The following SLC4A4 variants were observed in gnomAD, a reference collection of about 807,000 sequenced individuals.
The protein encoded by SLC4A4 is solute carrier family 4 member 4, also known as electrogenic sodium bicarbonate cotransporter 1.
In SLC4A4, 27 loss-of-function variants were observed where a neutral mutation model predicts 111.5. The observed-to-expected ratio is 0.24, with a 90% CI of 0.18 to 0.33. The LOEUF (loss-of-function observed/expected upper bound fraction) is 0.33, where lower values mean the gene tolerates loss of function less well. Ranked by LOEUF, SLC4A4 falls within the 10% of genes least tolerant of loss-of-function variation. The probability of loss-of-function intolerance (pLI) is 1.00; values close to 1 mark genes in which losing one functional copy is unlikely to be tolerated. For missense variants in SLC4A4, 909 were observed against 1,315.5 expected, an observed-to-expected ratio of 0.69 and a Z score of 4.78; for synonymous variants, 443 against 463.4, an observed-to-expected ratio of 0.96 and a Z score of 0.57.
chr4:71,539,976 G>T (rs1734897113), intron 18 of SLC4A4, among the ~76,000 whole-genome samples: 1 of 152,158 alleles, frequency 6.6e-6, no homozygotes, highest in Admixed American at 6.6e-5. Flanking sequence ...GCCCTGTTTA[G>T]ATGTCATCAC....
intron 1 of SLC4A4, among the ~76,000 whole-genome samples, chr4:71,225,307 G>A (rs890013402): frequency 2.6e-5 from 4 of 151,550 alleles, no homozygotes; most frequent in East Asian, 1.9e-4. Context: ...AGCTGAGATC[G>A]TACCACTGCA....
chr4:71,103,795 A>C (rs1742832640), intron 2 of SLC4A4, among the ~76,000 whole-genome samples: 1 of 151,858 alleles, frequency 6.6e-6, no homozygotes, highest in South Asian at 2.1e-4. Flanking sequence ...AATTTATAGC[A>C]CTAAATGCCC....
Position 71,418,545 on chromosome 4 carries a change from T to C in SLC4A4, c.807+20892T>C, listed in dbSNP as rs574806587. On this transcript the variant is annotated intron_variant, in intron 7 of 25. Coordinates refer to ENST00000264485, the MANE Select transcript of SLC4A4 (RefSeq NM_001098484.3). ...ATTCTATGGGCTATCAAGCAATAGC[T>C]CTTTTTAGGCCTCTTAGATATTAGG... is the stretch of plus-strand genomic sequence containing the variant. 3.9e-5 allele frequency among the ~76,000 whole-genome samples: 6 copies of C among 152,314 alleles called. No homozygotes were observed. In the South Asian group the frequency reaches 1.2e-3, roughly 32 times the overall value.
At chr4:71,234,982 G>A (rs1719705270) in intron 1 of SLC4A4, among the ~76,000 whole-genome samples, 1 of 152,176 alleles carries the variant, frequency 6.6e-6, no homozygotes, top group South Asian at 2.1e-4. Flanking sequence ...CAGAAAGGAA[G>A]GAAATTTACA....
At chr4:71,546,148 C>A (rs1310405905) in intron 18 of SLC4A4, among the ~76,000 whole-genome samples, 1 of 151,988 alleles carries the variant, frequency 6.6e-6, no homozygotes, top group Non-Finnish European at 1.5e-5. Flanking sequence ...AGGTCTCTAC[C>A]ATAGCAGCTA....
chr4:71,329,126 T>C (rs1727738832), intron 3 of SLC4A4, among the ~76,000 whole-genome samples: 1 of 152,110 alleles, frequency 6.6e-6, no homozygotes, highest in South Asian at 2.1e-4. Flanking sequence ...GAGCTCACTG[T>C]AGATGTATGA....
chr4:71,261,648 CTT>C (rs1167848171), intron 3 of SLC4A4, among the ~76,000 whole-genome samples: 1 of 152,204 alleles, frequency 6.6e-6, no homozygotes, highest in Non-Finnish European at 1.5e-5. Flanking sequence ...GCATAAGTCT[CTT>C]AGAGAGCCTT....
At chr4:71,545,126 A>G (rs1317460340) in intron 18 of SLC4A4, among the ~76,000 whole-genome samples, 2 of 152,056 alleles carry the variant, frequency 1.3e-5, no homozygotes, top group African/African-American at 2.4e-5. Context: ...ACCTATATCT[A>G]TTCATAATCC....
intron 16 of SLC4A4, among the ~76,000 whole-genome samples, chr4:71,509,450 A>G (rs1302284623): frequency 6.6e-6 from 1 of 151,452 alleles, no homozygotes; most frequent in Non-Finnish European, 1.5e-5. Context: ...GTCATTTGGT[A>G]TAGTATATTG....
chr4:71,103,425 T>C (rs1244002457), intron 2 of SLC4A4, among the ~76,000 whole-genome samples: 1 of 152,160 alleles, frequency 6.6e-6, no homozygotes, highest in African/African-American at 2.4e-5. Context: ...GCAGACCTAA[T>C]AGACATCTAC....
chr4:71,215,116 C>T (rs1458037463), intron 1 of SLC4A4, among the ~76,000 whole-genome samples: 1 of 152,156 alleles, frequency 6.6e-6, no homozygotes, highest in Non-Finnish European at 1.5e-5. Context: ...AAGTAATACC[C>T]TATGCTATTA....
chr4:71,540,682 G>C (rs985198502), intron 18 of SLC4A4, among the ~76,000 whole-genome samples: 4 of 152,054 alleles, frequency 2.6e-5, no homozygotes, highest in African/African-American at 9.7e-5. Context: ...ACCAAGGTTG[G>C]AATTGACCAT....
intron 1 of SLC4A4, among the ~76,000 whole-genome samples, chr4:71,225,014 A>C (rs1317261003): frequency 6.6e-6 from 1 of 152,252 alleles, no homozygotes; most frequent in African/African-American, 2.4e-5. Context: ...TATTTAGCTT[A>C]GTACTTGGCA....
At chr4:71,378,368 A>G (rs1717738337) in intron 6 of SLC4A4, among the ~76,000 whole-genome samples, 3 of 152,084 alleles carry the variant, frequency 2.0e-5, no homozygotes, top group African/African-American at 7.2e-5. Context: ...TGTGCAGAAA[A>G]TCTCCTGCAT....
chr4:71,240,682 G>C lies in SLC4A4; in HGVS notation c.73+4033G>C, dbSNP rs138525889. Among the ~76,000 whole-genome samples, 5 of 152,118 alleles carry C rather than the reference G, an allele frequency of 3.3e-5. No individual in the cohort carries two copies. The East Asian group carries it at 9.6e-4, about 29-fold the overall frequency. ...AGGAAAAGTAAAAAAAGTATGTCAG[G>C]GTCTGGGACAGGGTAGATATTCACT... is the stretch of plus-strand genomic sequence containing the variant. On this transcript the variant is annotated intron_variant, in intron 2 of 25. Coordinates refer to ENST00000264485, the MANE Select transcript of SLC4A4 (RefSeq NM_001098484.3).
chr4:71,498,695 T>C (rs1730629177), intron 16 of SLC4A4, among the ~76,000 whole-genome samples: 1 of 152,162 alleles, frequency 6.6e-6, no homozygotes, highest in Non-Finnish European at 1.5e-5. Context: ...TAGAAGTAGA[T>C]AGCCCAAGGA....
chr4:71,113,914 G>A (rs1469105247), intron 2 of SLC4A4, among the ~76,000 whole-genome samples: 2 of 152,128 alleles, frequency 1.3e-5, no homozygotes, highest in Non-Finnish European at 2.9e-5. Flanking sequence ...GTAATTAGTA[G>A]TTATACCTTA....
Position 71,428,591 on chromosome 4 carries a change from C to T in SLC4A4, c.808-12025C>T, listed in dbSNP as rs1441449211. Among the ~76,000 whole-genome samples, 3 of 151,656 alleles carry T rather than the reference C, an allele frequency of 2.0e-5. No homozygotes were observed. The East Asian group carries it at 5.8e-4, about 29-fold the overall frequency. ...CATGAGTTTGTTTGAAAAATAAGAG[C>T]TGAAAATACCCGAAGACAATGGAAG... On this transcript the variant is annotated intron_variant, in intron 7 of 25. Transcript: ENST00000264485.
intron 16 of SLC4A4, among the ~76,000 whole-genome samples, chr4:71,519,930 G>A (rs1447651968): frequency 6.6e-5 from 10 of 152,126 alleles, no homozygotes; most frequent in South Asian, 6.2e-4. Flanking sequence ...TATTACAGGC[G>A]TGAGCCACTG....
Sources: gnomAD v4.1 joint callset for allele counts (sites outside exome capture counted in the v4.1 genomes callset) on GRCh38, gnomAD v4.1.1 for gene constraint, MANE v1.5 for transcripts, NCBI Gene and HGNC (gene_info 2026-07-23, HGNC 2026-07-21) for gene names.